Variants in CFAP99 observed in about 807,000 individuals in gnomAD.
The protein encoded by CFAP99 is cilia- and flagella-associated protein 99.
Under a neutral mutation model 82.7 loss-of-function variants are expected in CFAP99, and 84 were observed. The ratio of observed to expected loss-of-function variants is 1.02; its 90% CI spans 0.85 to 1.22. CFAP99 has a LOEUF of 1.22. CFAP99 is among the 50% of genes most tolerant of loss of function. CFAP99 has a pLI of 0.00. For missense variants in CFAP99, 1,059 were observed against 983.5 expected (o/e 1.08, Z -1.03); for synonymous variants, 456 against 429.5 (o/e 1.06, Z -0.76).
At chr4:2,449,592 C>T in intron 6 of CFAP99, 78 bp from the exon 7 acceptor site, 2 of 1,299,594 alleles carry the variant, frequency 1.5e-6, no homozygotes, top group East Asian at 5.1e-5. Flanking sequence ...ATCCACCAAG[C>T]TGTCAGCCCT....
intron 6 of CFAP99, among the ~76,000 whole-genome samples, chr4:2,449,165 GGCCATATTATCGGA>G (rs1330434944): frequency 6.6e-6 from 1 of 151,996 alleles, no homozygotes; most frequent in African/African-American, 2.4e-5. Flanking sequence ...ACACAGCTCC[GGCCATATTATCGGA>G]GCCTCCTGTG....
rs1264610996 is a variant in CFAP99, at chr4:2,440,272, A to G, written c.351+2108A>G. Among the ~76,000 whole-genome samples the G allele has an allele frequency of 9.2e-5, 13 of 140,876 alleles. No individual in the cohort carries two copies. In the East Asian group the frequency reaches 1.6e-3, roughly 17 times the overall value. The allele number at this position is 140,876 out of a possible 152,430, so 92.4% of individuals were successfully genotyped here. A position where few individuals can be genotyped will look rare whatever the true frequency, so the allele number is the denominator to read the frequency against. On this transcript the variant is annotated intron_variant, in intron 4 of 14. Coordinates refer to ENST00000635017, the Ensembl canonical transcript of CFAP99. The stretch of plus-strand genomic sequence containing the variant: ...CGCCATTCTCCTGCCTCAGCCTCCC[A>G]AGTAGCTGGGACTACAGGCGCCCGC...
chr4:2,461,319 A>G (rs1184848272), intron 14 of CFAP99, among the ~76,000 whole-genome samples: 1 of 152,178 alleles, frequency 6.6e-6, no homozygotes, highest in African/African-American at 2.4e-5. Context: ...AGAGCCTGGC[A>G]TACAGGGCTC....
chr4:2,456,468 G>C (rs1158746437), intron 11 of CFAP99, among the ~76,000 whole-genome samples: 1 of 152,094 alleles, frequency 6.6e-6, no homozygotes, highest in Admixed American at 6.5e-5. Context: ...CTTGAACCCA[G>C]GAGTTCGAGA....
exon 2 of CFAP99, chr4:2,426,469 T>C: frequency 6.5e-7 from 1 of 1,534,054 alleles, no homozygotes; most frequent in Non-Finnish European, 8.7e-7. Context: ...GCTTCTGCCC[T>C]AAGAAGATGG....
intron 11 of CFAP99, 149 bp from the exon 12 acceptor site, chr4:2,458,574 T>C (rs28517366): frequency 0.21 from 192,768 of 921,924 alleles, 21,074 homozygotes; most frequent in South Asian, 0.29. Flanking sequence ...CCGCCAGGAG[T>C]GAATGGGCTT....
chr4:2,452,416 G>A lies in CFAP99; in HGVS notation c.1161+70G>A, dbSNP rs990556683. 30 of 1,478,294 alleles carry A rather than the reference G, an allele frequency of 2.0e-5. No individual in the cohort carries two copies. In the East Asian group the frequency reaches 7.2e-4, roughly 35 times the overall value. The allele number at this position is 1,478,294 out of a possible 1,614,324, so 91.6% of individuals were successfully genotyped here. A position where few individuals can be genotyped will look rare whatever the true frequency, so the allele number is the denominator to read the frequency against. On this transcript the variant is annotated intron_variant, in intron 11 of 14. Transcript: ENST00000635017. ...CTGTGTGCCCACCGGGAGCTGCAGGGCCAGGGCTGGCAGTGGAGCTGAGTG... is the reference window on the plus strand; with the variant it reads ...CTGTGTGCCCACCGGGAGCTGCAGGACCAGGGCTGGCAGTGGAGCTGAGTG...
At chr4:2,439,068 C>T (rs1439907082) in intron 4 of CFAP99, among the ~76,000 whole-genome samples, 4 of 152,262 alleles carry the variant, frequency 2.6e-5, no homozygotes, top group South Asian at 2.1e-4. Flanking sequence ...GCCTCTGGAC[C>T]GAAATGTTTG....
chr4:2,449,935 A>T, exon 8 of CFAP99: 1 of 1,536,116 alleles, frequency 6.5e-7, no homozygotes, highest in Non-Finnish European at 8.7e-7. Flanking sequence ...CTGTGGCAGG[A>T]GCTGCTGCTG....
chr4:2,458,808 G>A, exon 12 of CFAP99: 3 of 1,535,920 alleles, frequency 2.0e-6, no homozygotes, highest in Non-Finnish European at 2.6e-6. Context: ...GTGATAGAGG[G>A]GCAGAAGAAC....
At chr4:2,432,017 A>C (rs1237978265) in intron 2 of CFAP99, among the ~76,000 whole-genome samples, 1 of 152,252 alleles carries the variant, frequency 6.6e-6, no homozygotes, top group Admixed American at 6.5e-5. Context: ...AAAATCCATA[A>C]AAGCAGTAGC....
chr4:2,428,737 C>A (rs1010937086), intron 2 of CFAP99: 1 of 152,684 alleles, frequency 6.5e-6, no homozygotes, highest in African/African-American at 2.4e-5. Flanking sequence ...GTCGGGTGTG[C>A]GGGGTGCACG....
At chr4:2,460,461 C>T (rs1030830357) in intron 14 of CFAP99, among the ~76,000 whole-genome samples, 1 of 152,204 alleles carries the variant, frequency 6.6e-6, no homozygotes, top group Admixed American at 6.5e-5. Context: ...GAAGCCATGA[C>T]CCAGATGCAG....
chr4:2,426,434 C>A, intron 1 of CFAP99, 25 bp from the exon 2 acceptor site: 3 of 1,425,034 alleles, frequency 2.1e-6, no homozygotes, highest in Non-Finnish European at 2.9e-6. Context: ...GTGTGGAGGG[C>A]GTGACCTGCA....
chr4:2,440,146 A>ATTTTTTTTTTTTTTTT (rs1560382287), intron 4 of CFAP99, among the ~76,000 whole-genome samples: 6 of 95,862 alleles, frequency 6.3e-5, no homozygotes, highest in Admixed American at 1.1e-4. Flanking sequence ...CCAGCTTGAC[A>ATTTTTTTTTTTTTTTT]TTCTTTTTTT....
exon 3 of CFAP99, chr4:2,436,952 G>A (rs866065561): frequency 3.4e-5 from 52 of 1,535,908 alleles, no homozygotes; most frequent in African/African-American, 2.5e-4. Flanking sequence ...GCTGACCGTC[G>A]TGGTGGATGC....
At chr4:2,422,631 G>A (rs1301819342) in intron 1 of CFAP99, among the ~76,000 whole-genome samples, 2 of 152,072 alleles carry the variant, frequency 1.3e-5, no homozygotes, top group Admixed American at 6.6e-5. Flanking sequence ...CCCACCAGGC[G>A]CAAGAAGGGG....
intron 5 of CFAP99, among the ~76,000 whole-genome samples, chr4:2,444,419 C>T (rs1734117120): frequency 6.6e-6 from 1 of 152,214 alleles, no homozygotes; most frequent in Admixed American, 6.5e-5. Flanking sequence ...CCCAAGACTC[C>T]ACTTGCTATG....
exon 5 of CFAP99, chr4:2,443,132 C>T: frequency 1.3e-6 from 2 of 1,525,668 alleles, no homozygotes; most frequent in Non-Finnish European, 1.8e-6. Flanking sequence ...CACCCCAGTT[C>T]CTCAGGTTCT....
Sources: allele counts gnomAD v4.1 joint callset (sites outside exome capture counted in the v4.1 genomes callset), GRCh38; gene constraint gnomAD v4.1.1; transcripts MANE v1.5; gene names NCBI Gene and HGNC (gene_info 2026-07-23, HGNC 2026-07-21).